The following SLC30A8 variants were observed in gnomAD, a reference collection of about 807,000 sequenced individuals.
SLC30A8 encodes solute carrier family 30 member 8.
A neutral mutation model predicts 36.9 loss-of-function variants in SLC30A8; 27 were observed. That is an observed-to-expected ratio of 0.73 (90% CI 0.54 to 1.01). SLC30A8 has a LOEUF of 1.01. Among genes scored for constraint, SLC30A8 ranks in the 50% least tolerant of loss-of-function variants. The pLI, the probability that SLC30A8 is intolerant of heterozygous loss-of-function variation, is 0.00. For synonymous variants in SLC30A8, 164 were observed against 172.4 expected (o/e 0.95, Z 0.38); for missense variants, 439 against 452.0 (o/e 0.97, Z 0.26).
At chr8:117,068,927 T>C (rs1818247621) in intron 2 of SLC30A8, among the ~76,000 whole-genome samples, 1 of 152,022 alleles carries the variant, frequency 6.6e-6, no homozygotes, top group East Asian at 1.9e-4. Flanking sequence ...TTGCTATTGG[T>C]TCCACCTCTC....
chr8:116,953,034 C>T lies in SLC30A8; in HGVS notation c.-266+1915C>T, dbSNP rs558324183. Among the ~76,000 whole-genome samples, 247 of 151,582 alleles carry T rather than the reference C, an allele frequency of 1.6e-3. 1 individual carries two copies. Among genetic ancestry groups the T allele is most frequent in the Non-Finnish European group, 2.7e-3 (185 of 67,970 alleles). On this transcript the variant is annotated intron_variant, in intron 1 of 10. Transcript: ENST00000427715. ...TGCTTGCCTCCCTCCCTTTCTCTCC[C>T]CTTTTAGTAGACCCCCATGTCTATT...
chr8:116,952,068 A>G (rs1050135673), intron 1 of SLC30A8, among the ~76,000 whole-genome samples: 1 of 152,156 alleles, frequency 6.6e-6, no homozygotes, highest in African/African-American at 2.4e-5. Flanking sequence ...GGTTGGGAGG[A>G]GGAGCAGGTA....
At chr8:117,003,044 T>A (rs1816063007) in intron 1 of SLC30A8, among the ~76,000 whole-genome samples, 2 of 152,228 alleles carry the variant, frequency 1.3e-5, no homozygotes, top group African/African-American at 4.8e-5. Flanking sequence ...AATGGCCTTA[T>A]TTTCATTAAG....
At chr8:117,032,745 C>T (rs1488345588) in intron 1 of SLC30A8, among the ~76,000 whole-genome samples, 1 of 151,994 alleles carries the variant, frequency 6.6e-6, no homozygotes, top group East Asian at 1.9e-4. Flanking sequence ...CAAAAATTAG[C>T]CGGGTGTGGT....
chr8:117,118,074 T>G (rs577963901), intron 2 of SLC30A8, among the ~76,000 whole-genome samples: 16 of 151,826 alleles, frequency 1.1e-4, no homozygotes, highest in African/African-American at 3.9e-4. Flanking sequence ...AATTGTGTGA[T>G]TACTCTTGTT....
At chr8:116,950,904 A>T (rs1162214937), upstream of SLC30A8, 1 of 152,202 alleles carries the variant, frequency 6.6e-6, no homozygotes, top group Non-Finnish European at 1.5e-5. Flanking sequence ...ATAGCTCGTT[A>T]ATCTTACAGT....
At chr8:117,166,766 A>ATTTTTTTTTTTTTTTTTT (rs71305462) in intron 6 of SLC30A8, among the ~76,000 whole-genome samples, 8 of 128,654 alleles carry the variant, frequency 6.2e-5, no homozygotes, top group East Asian at 2.4e-4. Flanking sequence ...ACATTAGCTG[A>ATTTTTTTTTTTTTTTTTT]TTTTTTTTTT....
intron 2 of SLC30A8, among the ~76,000 whole-genome samples, chr8:117,097,090 A>G (rs1273502453): frequency 6.6e-6 from 1 of 151,972 alleles, no homozygotes; most frequent in Non-Finnish European, 1.5e-5. Flanking sequence ...ATCAATAAAC[A>G]TATAATTTAA....
intron 2 of SLC30A8, among the ~76,000 whole-genome samples, chr8:117,048,499 G>A (rs1817617930): frequency 6.6e-6 from 1 of 152,112 alleles, no homozygotes; most frequent in Non-Finnish European, 1.5e-5. Flanking sequence ...GCATCTTTAT[G>A]TACCTATCAC....
intron 1 of SLC30A8, among the ~76,000 whole-genome samples, chr8:117,035,431 A>G (rs996352498): frequency 2.6e-5 from 4 of 152,342 alleles, no homozygotes; most frequent in African/African-American, 7.2e-5. Flanking sequence ...CTTTGATTCC[A>G]TGTATCACAT....
chr8:117,156,206 A>AT lies in SLC30A8; in HGVS notation c.419-1477dup, dbSNP rs998393217. ...AGGTGCACATCACCATGTCTGGCTA[A>AT]TTTTTTTTGTATTTTTAGTAGAGAT... is the stretch of plus-strand genomic sequence containing the variant. On this transcript the variant is annotated intron_variant, in intron 3 of 7. Coordinates refer to ENST00000456015, the MANE Select transcript of SLC30A8 (RefSeq NM_173851.3). Among the ~76,000 whole-genome samples, 107 of 151,754 alleles carry AT rather than the reference A, an allele frequency of 7.1e-4. 1 individual carries two copies. Among genetic ancestry groups the AT allele is most frequent in the Non-Finnish European group, 1.3e-3 (91 of 67,858 alleles).
intron 1 of SLC30A8, among the ~76,000 whole-genome samples, chr8:116,954,080 C>T (rs906138708): frequency 2.6e-5 from 4 of 152,050 alleles, no homozygotes; most frequent in Admixed American, 6.6e-5. Context: ...GAAGAATAAT[C>T]AATAATTTTT....
intron 1 of SLC30A8, among the ~76,000 whole-genome samples, chr8:116,959,095 C>G (rs796807201): frequency 6.6e-6 from 1 of 151,928 alleles, no homozygotes; most frequent in Non-Finnish European, 1.5e-5. Flanking sequence ...GTGATCTGCC[C>G]GCCTCGGCCT....
At chr8:117,150,336 C>T (rs1400908723) in intron 2 of SLC30A8, among the ~76,000 whole-genome samples, 1 of 152,162 alleles carries the variant, frequency 6.6e-6, no homozygotes, top group Non-Finnish European at 1.5e-5. Flanking sequence ...CTGTGTTCTC[C>T]ATGGAAACCC....
intron 2 of SLC30A8, among the ~76,000 whole-genome samples, chr8:117,056,679 A>AT (rs1458150605): frequency 4.6e-5 from 7 of 152,058 alleles, no homozygotes; most frequent in Non-Finnish European, 1.0e-4. Context: ...ATTCACACAT[A>AT]TTTTTTGCAT....
intron 6 of SLC30A8, among the ~76,000 whole-genome samples, chr8:117,168,148 A>C (rs939439348): frequency 2.0e-5 from 3 of 152,150 alleles, no homozygotes; most frequent in Non-Finnish European, 4.4e-5. Flanking sequence ...TTACAATTAA[A>C]AGTGAGATTT....
intron 1 of SLC30A8, among the ~76,000 whole-genome samples, chr8:117,036,621 A>C (rs542315003): frequency 2.0e-5 from 3 of 152,182 alleles, no homozygotes; most frequent in Non-Finnish European, 4.4e-5. Context: ...CAAGAGAGGA[A>C]GTGTGTGGAG....
At chr8:117,108,323 A>G (rs1820083469) in intron 2 of SLC30A8, among the ~76,000 whole-genome samples, 1 of 152,310 alleles carries the variant, frequency 6.6e-6, no homozygotes, top group East Asian at 1.9e-4. Flanking sequence ...CCTACATGAC[A>G]AGAATAAGCA....
Position 117,020,146 on chromosome 8 carries a change from A to G in SLC30A8, c.-265-19073A>G, listed in dbSNP as rs1213501239. Among the ~76,000 whole-genome samples, 4 of 152,214 alleles carry G rather than the reference A, an allele frequency of 2.6e-5. No individual in the cohort carries two copies. The East Asian group carries it at 5.8e-4, about 22-fold the overall frequency. Reference sequence around the variant, plus strand: ...AGCCAGTTGTTGCAACTTAGCTTCCAACAGATGAGAAAATAAATTCTTCTT... The same window carrying G: ...AGCCAGTTGTTGCAACTTAGCTTCCGACAGATGAGAAAATAAATTCTTCTT... On this transcript the variant is annotated intron_variant, in intron 1 of 10. Transcript: ENST00000427715.
Sources: gnomAD v4.1 joint callset for allele counts (sites outside exome capture counted in the v4.1 genomes callset) on GRCh38, gnomAD v4.1.1 for gene constraint, MANE v1.5 for transcripts, NCBI Gene and HGNC (gene_info 2026-07-23, HGNC 2026-07-21) for gene names.